Variants in SUGP1 observed in about 807,000 individuals in gnomAD.
SUGP1 encodes the protein SURP and G-patch domain containing 1.
In SUGP1, 34 loss-of-function variants were observed where a neutral mutation model predicts 76.5. The ratio of observed to expected loss-of-function variants is 0.44; its 90% CI spans 0.34 to 0.59. SUGP1 has a LOEUF of 0.59. SUGP1 is among the 20% of genes least tolerant of loss of function. The pLI is 0.01. For missense variants in SUGP1, 752 were observed against 851.7 expected, an observed-to-expected ratio of 0.88 and a Z score of 1.46; for synonymous variants, 326 against 326.2, an observed-to-expected ratio of 1.00 and a Z score of 0.01.
At chr19:19,290,910 A>C (rs934145429) in intron 8 of SUGP1, among the ~76,000 whole-genome samples, 1 of 152,032 alleles carries the variant, frequency 6.6e-6, no homozygotes, top group Non-Finnish European at 1.5e-5. Flanking sequence ...CAAGGTCAGG[A>C]GCTCGAGACC....
At chr19:19,283,013 A>G (rs773356996) in intron 8 of SUGP1, among the ~76,000 whole-genome samples, 4 of 151,038 alleles carry the variant, frequency 2.6e-5, no homozygotes, top group East Asian at 2.0e-4. Context: ...GGAGGTGGAG[A>G]TTGCAGTGAG....
At chr19:19,298,296 G>A (rs907639615) in intron 7 of SUGP1, among the ~76,000 whole-genome samples, 1 of 152,174 alleles carries the variant, frequency 6.6e-6, no homozygotes, top group Admixed American at 6.5e-5. Flanking sequence ...TCAGGAGTTC[G>A]AGACCAGCCT....
chr19:19,278,639 G>A (rs2061072766), intron 11 of SUGP1, 51 bp downstream of exon 11: 1 of 1,526,898 alleles, frequency 6.5e-7, no homozygotes, highest in African/African-American at 1.4e-5. Flanking sequence ...GGCAGCTACA[G>A]GAGGGGCTGG....
intron 2 of SUGP1, among the ~76,000 whole-genome samples, chr19:19,311,496 G>C (rs1278727922): frequency 1.3e-5 from 2 of 151,988 alleles, no homozygotes; most frequent in East Asian, 3.9e-4. Context: ...GGGAGGCCGA[G>C]GTGGGCGGAT....
At chr19:19,291,837 G>A (rs1434497134) in intron 8 of SUGP1, among the ~76,000 whole-genome samples, 6 of 151,174 alleles carry the variant, frequency 4.0e-5, no homozygotes, top group Admixed American at 6.6e-5. Context: ...AGCTTGCAGT[G>A]AGCCGAGATC....
rs763148041 is a variant in SUGP1, at chr19:19,305,885, C to T, written c.502G>A (p.Glu168Lys). Residue 168 changes from glutamate to lysine, a missense_variant, in exon 4 of 14, where the codon GAG becomes AAG. Coordinates refer to ENST00000247001, the MANE Select transcript of SUGP1 (RefSeq NM_172231.4). The part of the protein sequence containing the change: ...PSVFQSPDED[E>K]EEDYEQWLEI... Reference sequence around the variant, plus strand: ...AGCCACTGCTCATAGTCCTCCTCCTCGTCCTCGTCAGGGGACTGGAAGACA... The same window carrying T: ...AGCCACTGCTCATAGTCCTCCTCCTTGTCCTCGTCAGGGGACTGGAAGACA... 25 of 1,612,990 alleles carry T rather than the reference C, an allele frequency of 1.5e-5. No homozygotes were observed. The highest frequency in any genetic ancestry group is 3.3e-5 in the South Asian group (3 of 90,970).
chr19:19,299,155 A>G (rs1249614416), intron 7 of SUGP1, among the ~76,000 whole-genome samples: 2 of 152,152 alleles, frequency 1.3e-5, no homozygotes, highest in Non-Finnish European at 2.9e-5. Flanking sequence ...TACATATCCC[A>G]GTTTTAAAAA....
At chr19:19,311,983 A>G (rs2061356389) in intron 2 of SUGP1, among the ~76,000 whole-genome samples, 1 of 152,170 alleles carries the variant, frequency 6.6e-6, no homozygotes, top group African/African-American at 2.4e-5. Flanking sequence ...GTTTCTTAAA[A>G]CAAAAAAAAG....
chr19:19,278,621 C>T, intron 11 of SUGP1, 69 bp downstream of exon 11: 6 of 1,410,402 alleles, frequency 4.3e-6, no homozygotes, highest in Non-Finnish European at 5.9e-6. Flanking sequence ...TGGGCACCTG[C>T]AGGGTGAGGC....
chr19:19,303,450 T>G lies in SUGP1; in HGVS notation c.663-2A>C. 1 of 1,612,904 alleles carries G rather than the reference T, an allele frequency of 6.2e-7. No individual in the cohort carries two copies. The highest frequency in any genetic ancestry group is 8.5e-7 in the Non-Finnish European group (1 of 1,178,926). ...CTGCTATTCTTATCGTGCAAAAATC[T>G]GGAGAGGAGGAAGTTTGCAGAAGAG... On this transcript the variant is annotated splice_acceptor_variant, in intron 5 of 13. Coordinates refer to ENST00000247001, the MANE Select transcript of SUGP1 (RefSeq NM_172231.4). LOFTEE classifies it high-confidence loss of function.
At chr19:19,279,129 G>A (rs1298638359) in intron 10 of SUGP1, 84 bp downstream of exon 10, 7 of 1,403,616 alleles carry the variant, frequency 5.0e-6, no homozygotes, top group Admixed American at 4.6e-5. Context: ...TCAAGACCAC[G>A]TGTGGCGCAT....
At chr19:19,317,472 G>A (rs1453510659) in intron 1 of SUGP1, among the ~76,000 whole-genome samples, 1 of 152,130 alleles carries the variant, frequency 6.6e-6, no homozygotes, top group African/African-American at 2.4e-5. Context: ...TTTATTATAA[G>A]GGCTTTGGGG....
rs780621264 is a variant in SUGP1, at chr19:19,302,260, C to CT, written c.887+4dup. 7 of 1,614,076 alleles carry CT rather than the reference C, an allele frequency of 4.3e-6. No homozygotes were observed. The highest frequency in any genetic ancestry group is 3.3e-5 in the Admixed American group (2 of 60,002). Reference sequence around the variant, plus strand: ...CGGTCACCTCCCTGGCAGGGCCCCCCTTACCTGAATGCCTGGTTCTCACGG... The same window carrying CT: ...CGGTCACCTCCCTGGCAGGGCCCCCCTTTACCTGAATGCCTGGTTCTCACGG... On this transcript the variant is annotated splice_donor_region_variant and intron_variant, in intron 7 of 13. Transcript: ENST00000247001.
Position 19,305,852 on chromosome 19 carries a change from T to C in SUGP1, c.535A>G (p.Lys179Glu). Residue 179 changes from lysine to glutamate, a missense_variant, in exon 4 of 14, where the codon AAA becomes GAA. Physicochemically the swap from Lys to Glu is moderately conservative, Grantham distance 56. Around this residue, in one of 2 missense-constraint regions of SUGP1, gnomAD observed 620 missense variants for 617.3 expected, o/e 1.00. Transcript: ENST00000247001. Reference protein sequence around the residue: ...EEDYEQWLEIKVSPPEGAETR... With the variant: ...EEDYEQWLEIEVSPPEGAETR... ...AGCAGCAGCTCCCACAACTTACCTT[T>C]GATCTCCAGCCACTGCTCATAGTCC... 6.2e-7 allele frequency: 1 copy of C among 1,601,774 alleles called. No individual in the cohort carries two copies. Among genetic ancestry groups the C allele is most frequent in the Non-Finnish European group, 8.5e-7 (1 of 1,171,600 alleles).
intron 8 of SUGP1, among the ~76,000 whole-genome samples, chr19:19,292,850 G>A (rs2061196485): frequency 6.6e-6 from 1 of 151,992 alleles, no homozygotes. Context: ...ATCAATCCAT[G>A]TAATACACCA....
intron 6 of SUGP1, 57 bp downstream of exon 6, chr19:19,303,291 G>A: frequency 6.8e-7 from 1 of 1,467,808 alleles, no homozygotes; most frequent in Admixed American, 1.7e-5. Flanking sequence ...ATTCCGCATT[G>A]GGGCACGGTA....
At chr19:19,279,049 G>A (rs1390909233) in intron 10 of SUGP1, among the ~76,000 whole-genome samples, 164 bp downstream of exon 10, 4 of 152,168 alleles carry the variant, frequency 2.6e-5, no homozygotes, top group Non-Finnish European at 4.4e-5. Flanking sequence ...AGGCCCCAGA[G>A]AGACTGAGCC....
chr19:19,277,067 G>A lies in SUGP1; in HGVS notation c.1791C>T (p.Thr597=). 6.2e-7 allele frequency: 1 copy of A among 1,610,510 alleles called. No individual in the cohort carries two copies. Among genetic ancestry groups the A allele is most frequent in the Non-Finnish European group, 8.5e-7 (1 of 1,179,614 alleles). The change falls in exon 13 of 14, where the codon ACC becomes ACT. Residue 597 remains threonine (T), a synonymous_variant. Coordinates refer to ENST00000247001, the MANE Select transcript of SUGP1 (RefSeq NM_172231.4). ...GIKNPVNKGT[T]TVDGAGFGID... is the part of the protein sequence containing the mutation. ...TGCCGAAGCCAGCGCCGTCCACTGT[G>A]GTGGTGCCCCTACAGGGAGAAGAGG... is the stretch of plus-strand genomic sequence containing the variant.
At chr19:19,288,889 G>T (rs1195146070) in intron 8 of SUGP1, among the ~76,000 whole-genome samples, 2 of 151,982 alleles carry the variant, frequency 1.3e-5, no homozygotes, top group Non-Finnish European at 2.9e-5. Flanking sequence ...GAGTTCAAGC[G>T]ATTCTCCTGC....
Sources: allele counts gnomAD v4.1 joint callset (sites outside exome capture counted in the v4.1 genomes callset), GRCh38; gene constraint gnomAD v4.1.1; regional missense constraint gnomAD v4.1.1; transcripts MANE v1.5; gene names NCBI Gene and HGNC (gene_info 2026-07-23, HGNC 2026-07-21).